The following AOC3 variants were observed in gnomAD, a reference collection of about 807,000 sequenced individuals.
The protein encoded by AOC3 is amine oxidase [copper-containing] 3.
Under a neutral mutation model 55.4 loss-of-function variants are expected in AOC3, and 47 were observed. That is an observed-to-expected ratio of 0.85 (90% CI 0.67 to 1.08). The LOEUF is 1.08. AOC3 is among the 50% of genes least tolerant of loss of function. The probability of loss-of-function intolerance (pLI) is 0.00; values close to 1 mark genes in which losing one functional copy is unlikely to be tolerated. For missense variants in AOC3, 853 were observed against 993.1 expected (o/e 0.86, Z 1.90); for synonymous variants, 386 against 410.7 (o/e 0.94, Z 0.73).
rs753314218 is a variant in AOC3 at position 42,852,661 on chromosome 17, C to G, written c.1318C>G (p.Leu440Val). ...CVFEQNQGLP[L>V]RRHHSDLYSH... ...GTTTGAACAGAACCAGGGCCTCCCC[C>G]TGCGGCGACACCACTCAGATCTCTA... Residue 440 changes from leucine (L) to valine (V), a missense_variant, in exon 1 of 4, where the codon CTG becomes GTG. By Grantham distance (32) the Leu-to-Val change is conservative. Coordinates refer to ENST00000308423, the MANE Select transcript of AOC3 (RefSeq NM_003734.4). 5.6e-6 allele frequency: 9 copies of G among 1,614,082 alleles called. No individual in the cohort carries two copies. In the Admixed American group the frequency reaches 1.5e-4, roughly 27 times the overall value.
In AOC3 at chr17:42,855,481, C is replaced by T; in HGVS notation, c.1924C>T (p.Pro642Ser). Residue 642 changes from proline (P) to serine (S), a missense_variant, in exon 3 of 4, where the codon CCC becomes TCC. Transcript: ENST00000308423. Reference protein sequence around the residue: ...LAVTQRKEEEPSSSSVFNQND... With the variant: ...LAVTQRKEEESSSSSVFNQND... ...TGTGACCCAGCGGAAGGAGGAGGAG[C>T]CCAGTAGCAGCAGCGTTTTCAATCA... The T allele has an allele frequency of 6.2e-7, 1 of 1,611,338 alleles. No individual in the cohort carries two copies. Among genetic ancestry groups the T allele is most frequent in the East Asian group, 2.2e-5 (1 of 44,818 alleles).
chr17:42,854,885 T>G (rs1597969953), intron 2 of AOC3, 152 bp downstream of exon 2: 1 of 898,358 alleles, frequency 1.1e-6, no homozygotes, highest in Non-Finnish European at 1.5e-6. Context: ...GGAGTTTTGC[T>G]CTGTTGCCCA....
intron 2 of AOC3, among the ~76,000 whole-genome samples, chr17:42,854,989 GGT>G (rs2055729713): frequency 6.6e-6 from 1 of 151,850 alleles, no homozygotes; most frequent in Admixed American, 6.6e-5. Flanking sequence ...TGGGATTACA[GGT>G]GCACGCCACC....
rs760384667 is a variant in AOC3 at position 42,851,674 on chromosome 17, G to A, written c.331G>A (p.Ala111Thr). The part of the protein sequence containing the change: ...LQLPPKAAAL[A>T]HLDRGSPPPA... ...GCTGCCTCCCAAGGCTGCAGCCCTG[G>A]CTCACTTGGACAGGGGGAGCCCCCC... The change falls in exon 1 of 4, where the codon GCT becomes ACT. Residue 111 changes from alanine to threonine, a missense_variant. Transcript: ENST00000308423. The A allele has an allele frequency of 1.9e-6, 3 of 1,612,832 alleles. 1 individual carries two copies. In the South Asian group the frequency reaches 3.3e-5, roughly 18 times the overall value.
Position 42,856,284 on chromosome 17 carries a change from G to A in AOC3, c.2026G>A (p.Ala676Thr), listed in dbSNP as rs956278373. The stretch of plus-strand genomic sequence containing the variant: ...TCTTCTCCCCTGCTAGGATTTGGTG[G>A]CCTGGGTGACAGCTGGTTTTCTGCA... ...NETIAGKDLV[A>T]WVTAGFLHIP... Residue 676 changes from alanine (A) to threonine (T), a missense_variant, in exon 4 of 4, where the codon GCC becomes ACC. Ala to Thr is a moderately conservative substitution (Grantham distance 58). Coordinates refer to ENST00000308423, the MANE Select transcript of AOC3 (RefSeq NM_003734.4). The A allele has an allele frequency of 1.9e-6, 3 of 1,613,786 alleles. No individual in the cohort carries two copies. The African/African-American group carries it at 4.0e-5, about 22-fold the overall frequency.
chr17:42,851,259 C>A lies in AOC3; in HGVS notation c.-85C>A. On this transcript the variant is annotated 5_prime_UTR_variant, in exon 1 of 4. Transcript: ENST00000308423. The stretch of plus-strand genomic sequence containing the variant: ...GAGTCCGGGAGCCCCCCACCCCGTC[C>A]AGGAGCCAACAGAGCCCCCGTCTTG... The A allele has an allele frequency of 6.8e-7, 1 of 1,464,016 alleles. No homozygotes were observed. The highest frequency in any genetic ancestry group is 9.2e-7 in the Non-Finnish European group (1 of 1,082,902). 90.7% of individuals were successfully genotyped at this position (1,464,016 alleles called of 1,614,324 possible).
In AOC3 at chr17:42,852,591, T is replaced by G. The variant is rs535744858; in HGVS notation, c.1248T>G (p.Leu416=). ...YLATYVDWHF[L]LESQAPKTIR... ...CCACCTACGTGGACTGGCACTTCCT[T>G]TTGGAGTCCCAGGCCCCCAAGACAA... The change falls in exon 1 of 4, where the codon CTT becomes CTG. Residue 416 remains leucine, a synonymous_variant. Transcript: ENST00000308423. 6.2e-7 allele frequency: 1 copy of G among 1,614,190 alleles called. No individual in the cohort carries two copies. Among genetic ancestry groups the G allele is most frequent in the South Asian group, 1.1e-5 (1 of 91,084 alleles).
chr17:42,854,452 G>A lies in AOC3; in HGVS notation c.1605G>A (p.Leu535=). The change falls in exon 2 of 4, where the codon CTG becomes CTA. Residue 535 remains leucine (L), a synonymous_variant. Coordinates refer to ENST00000308423, the MANE Select transcript of AOC3 (RefSeq NM_003734.4). ...HFKVDLDVAG[L]ENWVWAEDMV... is the part of the protein sequence containing the mutation. ...CCCCTATCCCACCCTGAGCAGGACTGGAGAACTGGGTCTGGGCCGAGGATA... is the reference window on the plus strand; with the variant it reads ...CCCCTATCCCACCCTGAGCAGGACTAGAGAACTGGGTCTGGGCCGAGGATA... 1.3e-6 allele frequency: 2 copies of A among 1,527,300 alleles called. No individual in the cohort carries two copies. Among genetic ancestry groups the A allele is most frequent in the Middle Eastern group, 2.3e-4 (1 of 4,258 alleles). The allele number at this position is 1,527,300 out of a possible 1,614,324, so 94.6% of individuals were successfully genotyped here. A position where few individuals can be genotyped will look rare whatever the true frequency, so the allele number is the denominator to read the frequency against.
intron 2 of AOC3, 68 bp from the exon 3 acceptor site, chr17:42,855,376 C>G (rs1273446905): frequency 3.4e-5 from 53 of 1,553,988 alleles, no homozygotes; most frequent in Non-Finnish European, 4.4e-5. Context: ...GCACTCAGTT[C>G]CCTTTCATCA....
rs754049376 is a variant in AOC3, at chr17:42,851,818, C to T, written c.475C>T (p.Arg159Cys). ...CTACATGCGGGACGTGACTGTGGAGCGTCATGGAGGCCCCCTGCCCTATCA... is the reference window on the plus strand; with the variant it reads ...CTACATGCGGGACGTGACTGTGGAGTGTCATGGAGGCCCCCTGCCCTATCA... ...PSYMRDVTVE[R>C]HGGPLPYHRR... The change falls in exon 1 of 4, where the codon CGT (arginine) becomes TGT (cysteine). Residue 159 changes from arginine (R) to cysteine (C), a missense_variant. Arg to Cys is a radical substitution (Grantham distance 180). Coordinates refer to ENST00000308423, the MANE Select transcript of AOC3 (RefSeq NM_003734.4). The T allele has an allele frequency of 5.6e-6, 9 of 1,613,422 alleles. No homozygotes were observed. Among genetic ancestry groups the T allele is most frequent in the South Asian group, 1.1e-5 (1 of 91,084 alleles).
chr17:42,856,865 A>G lies in AOC3; in HGVS notation c.*315A>G. On this transcript the variant is annotated 3_prime_UTR_variant, in exon 4 of 4. Coordinates refer to ENST00000308423, the MANE Select transcript of AOC3 (RefSeq NM_003734.4). ...CCTTTGTTGCTGTCTGGCTTTCCCG[A>G]ATCTTTTTAGGCCACCTCCAAGGAC... 1 of 403,160 alleles carries G rather than the reference A, an allele frequency of 2.5e-6. No individual in the cohort carries two copies. The highest frequency in any genetic ancestry group is 4.5e-6 in the Non-Finnish European group (1 of 222,118). 25.0% of individuals were successfully genotyped at this position (403,160 alleles called of 1,614,324 possible).
chr17:42,857,749 CAG>C lies in AOC3; in HGVS notation c.*1201_*1202del. The C allele has an allele frequency of 6.6e-6, 1 of 152,190 alleles. No individual in the cohort carries two copies. The highest frequency in any genetic ancestry group is 1.5e-5 in the Non-Finnish European group (1 of 68,030). The allele number at this position is 152,190 out of a possible 1,614,324, so 9.4% of individuals were successfully genotyped here. A position where few individuals can be genotyped will look rare whatever the true frequency, so the allele number is the denominator to read the frequency against. On this transcript the variant is annotated 3_prime_UTR_variant, in exon 4 of 4. Transcript: ENST00000308423. ...AGAAATAGCAAGAGATGAGAAACAA[CAG>C]AAACTTTTTTCTCTAAAGGACTGGT...
In AOC3 at chr17:42,852,860, A is replaced by T; in HGVS notation, c.1517A>T (p.Lys506Met). The T allele has an allele frequency of 6.2e-7, 1 of 1,613,746 alleles. No homozygotes were observed. Among genetic ancestry groups the T allele is most frequent in the Non-Finnish European group, 8.5e-7 (1 of 1,179,694 alleles). Residue 506 changes from lysine to methionine, a missense_variant, in exon 1 of 4, where the codon AAG (lysine) becomes ATG (methionine). By Grantham distance (95) the Lys-to-Met change is moderately conservative (BLOSUM62 -1). Coordinates refer to ENST00000308423, the MANE Select transcript of AOC3 (RefSeq NM_003734.4). ...SSAFLFGATG[K>M]YGNQVSEHTL... The stretch of plus-strand genomic sequence containing the variant: ...GCATTCCTCTTTGGTGCTACTGGGA[A>T]GTACGGGAACCAAGTGTCAGAGCAC...
rs1438364235 is a variant in AOC3, at chr17:42,857,288, G to C, written c.*738G>C. 6.6e-6 allele frequency: 1 copy of C among 152,532 alleles called. No individual in the cohort carries two copies. Among genetic ancestry groups the C allele is most frequent in the Non-Finnish European group, 1.5e-5 (1 of 68,254 alleles). 9.4% of individuals were successfully genotyped at this position (152,532 alleles called of 1,614,324 possible). A position where few individuals can be genotyped will look rare whatever the true frequency, so the allele number is the denominator to read the frequency against. ...TGCTCCTACCCCTGTCCTGGGGCTG[G>C]GTGTGTTTCAGGACAGCTGCTTCTG... On this transcript the variant is annotated 3_prime_UTR_variant, in exon 4 of 4. Transcript: ENST00000308423.
At chr17:42,855,210 A>G (rs1470292304) in intron 2 of AOC3, among the ~76,000 whole-genome samples, 4 of 152,218 alleles carry the variant, frequency 2.6e-5, no homozygotes, top group Non-Finnish European at 5.9e-5. Flanking sequence ...GCTAAAGCCC[A>G]GGAGTGAGAA....
chr17:42,856,486 C>G lies in AOC3; in HGVS notation c.2228C>G (p.Pro743Arg). The G allele has an allele frequency of 6.2e-7, 1 of 1,610,914 alleles. No homozygotes were observed. The highest frequency in any genetic ancestry group is 8.5e-7 in the Non-Finnish European group (1 of 1,177,712). Residue 743 changes from proline (P) to arginine (R), a missense_variant, in exon 4 of 4, where the codon CCC becomes CGC. By Grantham distance (103) the Pro-to-Arg change is moderately radical. Transcript: ENST00000308423. ...GAGGTCAACCCCCTAGCTTGCCTGC[C>G]CCAGGCTGCTGCCTGTGCCCCCGAC... ...ACEVNPLACL[P>R]QAAACAPDLP...
At chr17:42,853,812 C>G (rs2055708592) in intron 1 of AOC3, among the ~76,000 whole-genome samples, 1 of 152,202 alleles carries the variant, frequency 6.6e-6, no homozygotes. Context: ...CTGTGGGATC[C>G]TGTCTGCAGA....
chr17:42,856,233 G>A, intron 3 of AOC3, 42 bp from the exon 4 acceptor site: 1 of 1,601,426 alleles, frequency 6.2e-7, no homozygotes, highest in Middle Eastern at 1.7e-4. Flanking sequence ...CATGTCCTCA[G>A]CAAAGCCAGA....
chr17:42,853,180 G>A (rs2055700242), intron 1 of AOC3: 9 of 1,364,646 alleles, frequency 6.6e-6, no homozygotes, highest in African/African-American at 4.4e-5. Context: ...GGAAATGGCC[G>A]AGCTCAGGGA....
Sources: gnomAD v4.1 joint callset for allele counts (sites outside exome capture counted in the v4.1 genomes callset) on GRCh38, gnomAD v4.1.1 for gene constraint, MANE v1.5 for transcripts, NCBI Gene and HGNC (gene_info 2026-07-23, HGNC 2026-07-21) for gene names.